SCNN1A: variants seen among roughly 807,000 people sequenced by gnomAD.
SCNN1A encodes epithelial sodium channel subunit alpha.
Under a neutral mutation model 68.6 loss-of-function variants are expected in SCNN1A, and 65 were observed. The observed-to-expected ratio is 0.95, with a 90% CI of 0.78 to 1.16. The LOEUF is 1.16. SCNN1A is among the 50% of genes most tolerant of loss of function. SCNN1A has a pLI of 0.00. For synonymous variants in SCNN1A, 357 were observed against 353.3 expected (o/e 1.01, Z -0.12); for missense variants, 880 against 865.9 (o/e 1.02, Z -0.20).
At chr12:6,373,131 T>G (rs761279117) in intron 2 of SCNN1A, among the ~76,000 whole-genome samples, 1 of 150,078 alleles carries the variant, frequency 6.7e-6, no homozygotes, top group African/African-American at 2.4e-5. Context: ...ATGACCTGGC[T>G]TTTTTTTTTC....
At chr12:6,375,894 G>T (rs1484682201), upstream of SCNN1A, 2 of 1,244,164 alleles carry the variant, frequency 1.6e-6, no homozygotes, top group Middle Eastern at 3.1e-4. Context: ...CAGAAAGAGG[G>T]AGACAATAGA....
chr12:6,374,128 A>G lies in SCNN1A; in HGVS notation c.416+240T>C, dbSNP rs1948849765. 6.6e-6 allele frequency among the ~76,000 whole-genome samples: 1 copy of G among 152,206 alleles called. No homozygotes were observed. The highest frequency in any genetic ancestry group is 2.4e-5 in the African/African-American group (1 of 41,458). ...GGAGAAGAGAGGGCAGGGGAGGGCA[A>G]TGCTGCTCCAACAACCACACTCTGG... On this transcript the variant is annotated intron_variant, in intron 2 of 12. Transcript: ENST00000228916. This position sits in a 1 kb window ranked among gnomAD's most constrained non-coding sequence, Gnocchi z 6.2.
rs747511419 is a variant in SCNN1A, at chr12:6,363,425, C to T, written c.684+18G>A. ...CCGGCGAGGGGCGGGGCGGGCCCCT[C>T]GGCGCTGCGGGCCTCACCAGCTGGA... On this transcript the variant is annotated intron_variant, in intron 3 of 12. Coordinates refer to ENST00000228916, the MANE Select transcript of SCNN1A (RefSeq NM_001038.6). The T allele has an allele frequency of 4.9e-5, 75 of 1,521,892 alleles. No individual in the cohort carries two copies. Among genetic ancestry groups the T allele is most frequent in the Non-Finnish European group, 6.3e-5 (71 of 1,135,090 alleles). The allele number at this position is 1,521,892 out of a possible 1,614,324, so 94.3% of individuals were successfully genotyped here. A position where few individuals can be genotyped will look rare whatever the true frequency, so the allele number is the denominator to read the frequency against.
upstream of SCNN1A, among the ~76,000 whole-genome samples, chr12:6,376,682 G>C (rs956410084): frequency 5.3e-5 from 8 of 152,210 alleles, no homozygotes; most frequent in African/African-American, 1.7e-4. Context: ...AGGAGGGTCA[G>C]AGAATCAGAC....
intron 2 of SCNN1A, among the ~76,000 whole-genome samples, chr12:6,368,961 GAA>G (rs961867311): frequency 1.3e-5 from 2 of 152,184 alleles, no homozygotes; most frequent in African/African-American, 4.8e-5. Flanking sequence ...GACACAAAGT[GAA>G]GAGACCATCG....
At chr12:6,370,381 C>T (rs1322398752) in intron 2 of SCNN1A, among the ~76,000 whole-genome samples, 1 of 152,164 alleles carries the variant, frequency 6.6e-6, no homozygotes, top group African/African-American at 2.4e-5. Context: ...GCCCTCTCCC[C>T]TCTAGCCCCT....
chr12:6,349,121 A>G (rs1948322500), intron 10 of SCNN1A, 43 bp downstream of exon 10: 1 of 1,604,474 alleles, frequency 6.2e-7, no homozygotes, highest in African/African-American at 1.3e-5. Flanking sequence ...ACAGCATTAC[A>G]TGGGCACACA....
In SCNN1A at chr12:6,347,923, C is replaced by T; in HGVS notation, c.1960G>A (p.Gly654Arg). The T allele has an allele frequency of 6.3e-6, 10 of 1,592,832 alleles. No individual in the cohort carries two copies. The highest frequency in any genetic ancestry group is 7.7e-6 in the Non-Finnish European group (9 of 1,169,124). The change falls in exon 13 of 13, where the codon GGG becomes AGG. Residue 654 changes from glycine to arginine, a missense_variant. Coordinates refer to ENST00000228916, the MANE Select transcript of SCNN1A (RefSeq NM_001038.6). ...YATLGPRPSP[G>R]GSAGASSSTC... ...GAGGAACTGGCCCCTGCAGAGCCCCCTGGAGATGGGCGGGGGCCCAGGGTG... is the reference window on the plus strand; with the variant it reads ...GAGGAACTGGCCCCTGCAGAGCCCCTTGGAGATGGGCGGGGGCCCAGGGTG...
In SCNN1A at chr12:6,349,195, C is replaced by T. The variant is rs2136849894; in HGVS notation, c.1466G>A (p.Gly489Asp). The change falls in exon 10 of 13, where the codon GGT (glycine) becomes GAT (aspartate). Residue 489 changes from glycine to aspartate, a missense_variant. Gly to Asp is a moderately conservative substitution (Grantham distance 94). This residue lies in a region of SCNN1A where 758 missense variants were observed against 721.8 expected (regional missense o/e 1.05). Transcript: ENST00000228916. ...TGTCACCGAGGGCCATCGTGAGTAA[C>T]CAGCAGAGAGCTGGTAGCTGGTCAC... ...CSVTSYQLSA[G>D]YSRWPSVTSQ... 6.2e-7 allele frequency: 1 copy of T among 1,614,128 alleles called. No individual in the cohort carries two copies. The highest frequency in any genetic ancestry group is 8.5e-7 in the Non-Finnish European group (1 of 1,180,014).
chr12:6,364,225 C>T (rs1054953077), intron 2 of SCNN1A: 1 of 152,486 alleles, frequency 6.6e-6, no homozygotes, highest in African/African-American at 2.4e-5. Context: ...CCACCCACCC[C>T]GCCTCCCTCC....
chr12:6,360,834 G>T (rs1016929090), intron 4 of SCNN1A, among the ~76,000 whole-genome samples: 2 of 152,310 alleles, frequency 1.3e-5, no homozygotes, highest in East Asian at 1.9e-4. Flanking sequence ...CAGCTGCTAT[G>T]AGCTGCTTGC....
intron 12 of SCNN1A, 124 bp downstream of exon 12, chr12:6,348,603 G>T: frequency 1.3e-6 from 1 of 767,986 alleles, no homozygotes; most frequent in Non-Finnish European, 2.1e-6. Flanking sequence ...CCTCTTCTTT[G>T]GTCCCCTGCC....
chr12:6,353,885 G>A (rs145058338), intron 8 of SCNN1A: 21 of 151,684 alleles, frequency 1.4e-4, no homozygotes, highest in South Asian at 4.1e-4. Context: ...CACCGCGCCC[G>A]GCCTGCAGGT....
intron 3 of SCNN1A, among the ~76,000 whole-genome samples, chr12:6,363,097 T>C (rs1338799049): frequency 6.8e-6 from 1 of 146,298 alleles, no homozygotes; most frequent in African/African-American, 2.5e-5. Context: ...ATTCAGAAAG[T>C]TGCATTTTCC....
At chr12:6,364,032 C>T (rs1027640400) in intron 2 of SCNN1A, 14 of 237,800 alleles carry the variant, frequency 5.9e-5, no homozygotes, top group African/African-American at 2.9e-4. Context: ...ACTTGTCTGC[C>T]CTTTCCCAAA....
chr12:6,348,928 C>T (rs375044443), intron 11 of SCNN1A, 22 bp downstream of exon 11: 181 of 1,613,652 alleles, frequency 1.1e-4, no homozygotes, highest in South Asian at 3.6e-4. Flanking sequence ...CTTCTTGTGG[C>T]TGGGACCAGG....
intron 2 of SCNN1A, among the ~76,000 whole-genome samples, chr12:6,366,097 G>A (rs1229597279): frequency 2.6e-5 from 4 of 152,092 alleles, no homozygotes; most frequent in African/African-American, 4.8e-5. Flanking sequence ...TTCGTGATCC[G>A]CCCGTCTCGG....
chr12:6,348,868 C>T (rs1948315686), intron 11 of SCNN1A, 66 bp from the exon 12 acceptor site: 1 of 1,602,164 alleles, frequency 6.2e-7, no homozygotes. Context: ...TTCCTCTAAT[C>T]AACCATATCG....
rs765571538 is a variant in SCNN1A at position 6,355,850 on chromosome 12, A to G, written c.906T>C (p.Tyr302=). 4 of 1,613,064 alleles carry G rather than the reference A, an allele frequency of 2.5e-6. No homozygotes were observed. Among genetic ancestry groups the G allele is most frequent in the African/African-American group, 2.7e-5 (2 of 74,906 alleles). The change falls in exon 5 of 13, where the codon TAT becomes TAC. Residue 302 remains tyrosine, a synonymous_variant. Coordinates refer to ENST00000228916, the MANE Select transcript of SCNN1A (RefSeq NM_001038.6). The part of the protein sequence containing the change: ...ANYSHFHHPM[Y]GNCYTFNDKN... ...TGTCATTGAAAGTATAGCAGTTTCC[A>G]TACATCGGGTGGTGGAAGTGAGAGT...
Sources: gnomAD v4.1 joint callset for allele counts (sites outside exome capture counted in the v4.1 genomes callset) on GRCh38, gnomAD v4.1.1 for gene constraint, gnomAD v4.1.1 regional missense constraint, Gnocchi (gnomAD v3.1) non-coding constraint, MANE v1.5 for transcripts, NCBI Gene and HGNC (gene_info 2026-07-23, HGNC 2026-07-21) for gene names.